PRDM5: variants seen among roughly 807,000 people sequenced by gnomAD.
PRDM5 encodes PR domain zinc finger protein 5.
Under a neutral mutation model 81.2 loss-of-function variants are expected in PRDM5, and 56 were observed. The observed-to-expected ratio is 0.69, with a 90% CI of 0.56 to 0.86. The LOEUF (loss-of-function observed/expected upper bound fraction) is 0.86. Among genes scored for constraint, PRDM5 ranks in the 40% least tolerant of loss-of-function variants. PRDM5 has a pLI of 0.00. For synonymous variants in PRDM5, 267 were observed against 256.4 expected (o/e 1.04, Z -0.39); for missense variants, 697 against 770.1 (o/e 0.91, Z 1.12).
At chr4:120,818,595 C>T in intron 4 of PRDM5, 68 bp from the exon 5 acceptor site, 1 of 1,382,406 alleles carries the variant, frequency 7.2e-7, no homozygotes, top group South Asian at 1.2e-5. Context: ...CAGTTTTGCT[C>T]TCATTTTAAA....
chr4:120,866,686 T>C (rs895874707), intron 2 of PRDM5, among the ~76,000 whole-genome samples: 3 of 152,204 alleles, frequency 2.0e-5, no homozygotes, highest in Admixed American at 6.5e-5. Flanking sequence ...GATGATGTGA[T>C]TCCAGAGCCC....
chr4:120,802,146 T>G (rs1211980853), intron 8 of PRDM5, among the ~76,000 whole-genome samples: 1 of 152,210 alleles, frequency 6.6e-6, no homozygotes, highest in Non-Finnish European at 1.5e-5. Context: ...TGAACTGATA[T>G]TCCCAAAACT....
At chr4:120,870,112 G>T (rs1761622427) in intron 2 of PRDM5, among the ~76,000 whole-genome samples, 1 of 152,062 alleles carries the variant, frequency 6.6e-6, no homozygotes. Context: ...GGACGAGGAA[G>T]GAAGGGAAGA....
intron 2 of PRDM5, among the ~76,000 whole-genome samples, chr4:120,891,713 T>G (rs562015268): frequency 6.6e-6 from 1 of 152,206 alleles, no homozygotes; most frequent in East Asian, 1.9e-4. Context: ...CGCCGCAACC[T>G]CCGCCTTCTG....
rs138886664 is a variant in PRDM5, at chr4:120,778,074, C to T, written c.1444-793G>A. Among the ~76,000 whole-genome samples the T allele has an allele frequency of 3.0e-3, 460 of 152,178 alleles. 3 individuals are homozygous for T. Among genetic ancestry groups the T allele is most frequent in the South Asian group, 0.019 (91 of 4,824 alleles). On this transcript the variant is annotated intron_variant, in intron 12 of 15. Transcript: ENST00000264808. The stretch of plus-strand genomic sequence containing the variant: ...GAAGGGTCAGAGCTATTTCTCAAGT[C>T]CCAGTGTTTCTCAAACTTAAGAGAT...
At chr4:120,898,042 A>C (rs889018685) in intron 2 of PRDM5, among the ~76,000 whole-genome samples, 5 of 152,194 alleles carry the variant, frequency 3.3e-5, no homozygotes, top group African/African-American at 4.8e-5. Context: ...AAAAGTTTAG[A>C]GGATCCAGGT....
At chr4:120,863,187 T>TACAC (rs1561528878) in intron 2 of PRDM5, among the ~76,000 whole-genome samples, 4 of 40,140 alleles carry the variant, frequency 1.0e-4, no homozygotes, top group Non-Finnish European at 2.7e-4. Flanking sequence ...TATATATATA[T>TACAC]ATATACACAC....
At chr4:120,779,253 AT>A (rs549003204) in intron 12 of PRDM5, among the ~76,000 whole-genome samples, 86 of 151,626 alleles carry the variant, frequency 5.7e-4, no homozygotes, top group African/African-American at 2.0e-3. Context: ...CATTAAAGGT[AT>A]AATACTAAAC....
At chr4:120,750,491 G>A (rs554713397) in intron 14 of PRDM5, among the ~76,000 whole-genome samples, 10 of 152,226 alleles carry the variant, frequency 6.6e-5, no homozygotes, top group East Asian at 1.9e-4. Flanking sequence ...TCCAGGCCTC[G>A]CATGAAGAAC....
chr4:120,749,574 C>T (rs1401779002), intron 14 of PRDM5, among the ~76,000 whole-genome samples: 1 of 152,178 alleles, frequency 6.6e-6, no homozygotes, highest in Non-Finnish European at 1.5e-5. Context: ...AAAAACCACC[C>T]AGGCCACAGA....
At chr4:120,863,927 G>A (rs1421994349) in intron 2 of PRDM5, among the ~76,000 whole-genome samples, 1 of 152,174 alleles carries the variant, frequency 6.6e-6, no homozygotes, top group African/African-American at 2.4e-5. Context: ...CTCAAATTTT[G>A]TGGCTGGAGC....
intron 14 of PRDM5, among the ~76,000 whole-genome samples, chr4:120,725,990 C>G (rs778320485): frequency 3.3e-5 from 5 of 152,138 alleles, no homozygotes; most frequent in African/African-American, 7.2e-5. Flanking sequence ...GTCAAGACCT[C>G]TAGCTAGCCC....
At chr4:120,880,862 T>C (rs1012341774) in intron 2 of PRDM5, among the ~76,000 whole-genome samples, 8 of 152,182 alleles carry the variant, frequency 5.3e-5, no homozygotes, top group Non-Finnish European at 1.5e-5. Flanking sequence ...CAAAATTGCA[T>C]CAATCCAAGA....
At chr4:120,858,656 C>T (rs1182194808) in intron 2 of PRDM5, among the ~76,000 whole-genome samples, 1 of 152,140 alleles carries the variant, frequency 6.6e-6, no homozygotes, top group African/African-American at 2.4e-5. Context: ...GTCCCTCTGC[C>T]TCCCACCTGC....
At chr4:120,746,626 C>T (rs1356377390) in intron 14 of PRDM5, among the ~76,000 whole-genome samples, 79 of 142,858 alleles carry the variant, frequency 5.5e-4, no homozygotes, top group Admixed American at 1.2e-3. Flanking sequence ...GGGCGAAGGA[C>T]ATGAACAGAC....
At chr4:120,801,924 T>C (rs1752169529) in intron 8 of PRDM5, among the ~76,000 whole-genome samples, 1 of 152,188 alleles carries the variant, frequency 6.6e-6, no homozygotes, top group Non-Finnish European at 1.5e-5. Flanking sequence ...TAAAGAGATG[T>C]CATACCTTCT....
At chr4:120,713,048 A>AT (rs1407876293) in intron 14 of PRDM5, among the ~76,000 whole-genome samples, 1 of 152,176 alleles carries the variant, frequency 6.6e-6, no homozygotes, top group African/African-American at 2.4e-5. Flanking sequence ...CTAATAAACC[A>AT]TTTTATACTC....
At chr4:120,851,250 T>A (rs1008589598) in intron 3 of PRDM5, among the ~76,000 whole-genome samples, 6 of 152,036 alleles carry the variant, frequency 3.9e-5, no homozygotes, top group African/African-American at 1.4e-4. Flanking sequence ...TTCTCCACAA[T>A]CACAATGATG....
At chr4:120,777,986 C>A (rs1748435101) in intron 12 of PRDM5, among the ~76,000 whole-genome samples, 1 of 152,058 alleles carries the variant, frequency 6.6e-6, no homozygotes, top group South Asian at 2.1e-4. Flanking sequence ...TTTAAACTGG[C>A]CCTACAGTCT....
Sources: allele counts gnomAD v4.1 joint callset (sites outside exome capture counted in the v4.1 genomes callset), GRCh38; gene constraint gnomAD v4.1.1; transcripts MANE v1.5; gene names NCBI Gene and HGNC (gene_info 2026-07-23, HGNC 2026-07-21).